Variants in GPC6 observed in about 807,000 individuals in gnomAD.
GPC6 encodes the protein glypican-6.
GPC6 carries 14 observed loss-of-function variants against 55.2 expected under a neutral mutation model. That is an observed-to-expected ratio of 0.25 (90% CI 0.17 to 0.40). GPC6 has a LOEUF of 0.40. Ranked by LOEUF, GPC6 falls within the 10% of genes least tolerant of loss-of-function variation. The probability of loss-of-function intolerance (pLI) is 1.00; values close to 1 mark genes in which losing one functional copy is unlikely to be tolerated. For synonymous variants in GPC6, 278 were observed against 259.6 expected (o/e 1.07, Z -0.68); for missense variants, 641 against 708.5 (o/e 0.90, Z 1.08).
At chr13:93,902,198 C>G (rs1362597093) in intron 3 of GPC6, among the ~76,000 whole-genome samples, 1 of 152,054 alleles carries the variant, frequency 6.6e-6, no homozygotes, top group Non-Finnish European at 1.5e-5. Context: ...ACCCATTGAC[C>G]AGTCTCTCCC....
Position 94,235,858 on chromosome 13 carries a change from A to G in GPC6, c.878-50491A>G, listed in dbSNP as rs113122053. 3.1e-3 allele frequency among the ~76,000 whole-genome samples: 475 copies of G among 152,286 alleles called. 7 individuals are homozygous for G. The highest frequency in any genetic ancestry group is 0.011 in the African/African-American group (454 of 41,570). ...ATTTGAGATGTTAATAAGATCAGAG[A>G]TTCGCTGAGAATATTGAAGCTAGAA... On this transcript the variant is annotated intron_variant, in intron 4 of 8. Transcript: ENST00000377047.
At chr13:94,324,165 C>T (rs1180042575) in intron 6 of GPC6, among the ~76,000 whole-genome samples, 1 of 151,976 alleles carries the variant, frequency 6.6e-6, no homozygotes, top group African/African-American at 2.4e-5. Flanking sequence ...GGGAAGGATG[C>T]AGCTAAATGG....
chr13:93,741,999 C>A (rs1884220141), intron 2 of GPC6, among the ~76,000 whole-genome samples: 1 of 152,096 alleles, frequency 6.6e-6, no homozygotes. Flanking sequence ...ATGTAAATAA[C>A]AAATGTAGAA....
intron 4 of GPC6, among the ~76,000 whole-genome samples, chr13:94,065,673 G>C (rs1884492985): frequency 6.6e-6 from 1 of 152,144 alleles, no homozygotes; most frequent in Non-Finnish European, 1.5e-5. Context: ...ACTTGACTCA[G>C]AAAACCAAAA....
intron 3 of GPC6, among the ~76,000 whole-genome samples, chr13:93,927,103 A>G (rs939393596): frequency 1.3e-5 from 2 of 152,186 alleles, no homozygotes; most frequent in Non-Finnish European, 2.9e-5. Flanking sequence ...AAATAGATTA[A>G]TGTTTCTAAA....
At chr13:94,003,681 T>A (rs571517938) in intron 3 of GPC6, among the ~76,000 whole-genome samples, 1 of 152,176 alleles carries the variant, frequency 6.6e-6, no homozygotes, top group Non-Finnish European at 1.5e-5. Context: ...ACAAACAGAA[T>A]GGAGGCAAGA....
intron 1 of GPC6, among the ~76,000 whole-genome samples, chr13:93,508,479 G>A (rs1321625339): frequency 2.6e-5 from 4 of 152,180 alleles, no homozygotes; most frequent in Non-Finnish European, 5.9e-5. Flanking sequence ...AGGCAGAGAA[G>A]AAGCAGAGGC....
At chr13:94,167,876 A>G (rs796334721) in intron 4 of GPC6, among the ~76,000 whole-genome samples, 3 of 152,224 alleles carry the variant, frequency 2.0e-5, no homozygotes, top group Admixed American at 2.0e-4. Flanking sequence ...AATTTGAGTG[A>G]AGAAGTTGAC....
chr13:93,772,067 G>T (rs1292027533), intron 2 of GPC6, among the ~76,000 whole-genome samples: 3 of 152,050 alleles, frequency 2.0e-5, no homozygotes, highest in Non-Finnish European at 4.4e-5. Flanking sequence ...ATATGCTTTT[G>T]GCCCATAGCC....
chr13:94,372,392 C>T (rs923397448), intron 6 of GPC6, among the ~76,000 whole-genome samples: 3 of 152,200 alleles, frequency 2.0e-5, no homozygotes, highest in African/African-American at 7.2e-5. Flanking sequence ...GAGGCATTGC[C>T]TCACTTGGGA....
At chr13:93,396,898 A>G (rs1244355262) in intron 1 of GPC6, among the ~76,000 whole-genome samples, 1 of 152,108 alleles carries the variant, frequency 6.6e-6, no homozygotes, top group Non-Finnish European at 1.5e-5. Flanking sequence ...AAAATTTCAC[A>G]ACCTTCCCTT....
intron 1 of GPC6, among the ~76,000 whole-genome samples, chr13:93,371,048 A>G (rs1874621780): frequency 6.6e-6 from 1 of 152,228 alleles, no homozygotes; most frequent in Admixed American, 6.5e-5. Context: ...TACTTTTGTT[A>G]ATGTTGACAA....
intron 6 of GPC6, among the ~76,000 whole-genome samples, chr13:94,335,762 A>G (rs1343942795): frequency 1.3e-5 from 2 of 152,208 alleles, no homozygotes; most frequent in Non-Finnish European, 2.9e-5. Flanking sequence ...TTGGGAATCA[A>G]CTATCTTATA....
chr13:94,026,573 T>C (rs550080485), intron 3 of GPC6, among the ~76,000 whole-genome samples: 2 of 152,246 alleles, frequency 1.3e-5, no homozygotes, highest in South Asian at 2.1e-4. Flanking sequence ...TTTTTACATC[T>C]AGTCATGAAT....
intron 1 of GPC6, among the ~76,000 whole-genome samples, chr13:93,341,212 A>G (rs1030297819): frequency 1.3e-5 from 2 of 152,214 alleles, no homozygotes; most frequent in African/African-American, 2.4e-5. Flanking sequence ...TGCTATAAAC[A>G]TATGTGTGCA....
intron 2 of GPC6, among the ~76,000 whole-genome samples, chr13:93,804,389 A>G (rs778675483): frequency 2.0e-5 from 3 of 152,170 alleles, no homozygotes; most frequent in African/African-American, 7.2e-5. Context: ...ATGACCTAAA[A>G]TTTATTTTAT....
chr13:93,604,595 CGCT>C (rs1566445887), intron 2 of GPC6, among the ~76,000 whole-genome samples: 1 of 151,698 alleles, frequency 6.6e-6, no homozygotes, highest in Non-Finnish European at 1.5e-5. Context: ...TTTTCATTAT[CGCT>C]GCTATCGTCA....
intron 1 of GPC6, among the ~76,000 whole-genome samples, chr13:93,486,135 A>C (rs1240349020): frequency 6.6e-6 from 1 of 152,180 alleles, no homozygotes; most frequent in Admixed American, 6.5e-5. Flanking sequence ...AGTAGAGACA[A>C]GTGGTAAGAA....
intron 3 of GPC6, among the ~76,000 whole-genome samples, chr13:93,857,817 G>A (rs891528217): frequency 3.3e-5 from 5 of 151,160 alleles, no homozygotes; most frequent in African/African-American, 9.7e-5. Flanking sequence ...TATACACCCC[G>A]AATAAAGAAC....
Sources: gnomAD v4.1 joint callset for allele counts (sites outside exome capture counted in the v4.1 genomes callset) on GRCh38, gnomAD v4.1.1 for gene constraint, MANE v1.5 for transcripts, NCBI Gene and HGNC (gene_info 2026-07-23, HGNC 2026-07-21) for gene names.